Variants in SPTBN5 observed in about 807,000 individuals in gnomAD.
SPTBN5 encodes the protein spectrin beta, non-erythrocytic 5.
In SPTBN5, 513 loss-of-function variants were observed where a neutral mutation model predicts 477.6. The ratio of observed to expected loss-of-function variants is 1.07; its 90% CI spans 1.00 to 1.16. SPTBN5 has a LOEUF of 1.16. SPTBN5 is among the 50% of genes most tolerant of loss of function. SPTBN5 has a pLI of 0.00. For synonymous variants in SPTBN5, 2,169 were observed against 2,011.7 expected, an observed-to-expected ratio of 1.08 and a Z score of -2.09; for missense variants, 5,062 against 4,731.8, an observed-to-expected ratio of 1.07 and a Z score of -2.05.
Position 41,888,004 on chromosome 15 carries a change from T to G in SPTBN5, c.583A>C (p.Thr195Pro), listed in dbSNP as rs1178832797. ...VWCQRKTASY[T>P]NVNITDFSRS... ...GAGAAATCTGTAATGTTCACGTTGG[T>G]GTAGCTGGCTGTCTTCCGCTGGCAC... The change falls in exon 5 of 68, where the codon ACC becomes CCC. Residue 195 changes from threonine to proline, a missense_variant. Transcript: ENST00000320955. 7 of 1,600,064 alleles carry G rather than the reference T, an allele frequency of 4.4e-6. No homozygotes were observed. The highest frequency in any genetic ancestry group is 6.0e-6 in the Non-Finnish European group (7 of 1,173,704).
At chr15:41,865,316 A>T (rs2066262426) in intron 39 of SPTBN5, among the ~76,000 whole-genome samples, 1 of 152,188 alleles carries the variant, frequency 6.6e-6, no homozygotes, top group African/African-American at 2.4e-5. Flanking sequence ...ATCCAGGCAT[A>T]TGTCCTATCT....
intron 1 of SPTBN5, 156 bp downstream of exon 1, chr15:41,893,743 T>C (rs1339591103): frequency 3.2e-6 from 2 of 630,118 alleles, no homozygotes; most frequent in Non-Finnish European, 5.4e-6. Flanking sequence ...ACCTTCCAGA[T>C]TCTTCTTCTC....
chr15:41,883,601 T>A, intron 7 of SPTBN5, 115 bp from the exon 8 acceptor site: 1 of 1,261,060 alleles, frequency 7.9e-7, no homozygotes. Flanking sequence ...CCTCCATGGC[T>A]GGGGCAAGGT....
chr15:41,861,349 A>G, intron 46 of SPTBN5, 70 bp downstream of exon 46: 1 of 1,378,888 alleles, frequency 7.3e-7, no homozygotes, highest in South Asian at 1.2e-5. Context: ...CTCAGGCAGC[A>G]CTGGCTGGTT....
At chr15:41,865,047 T>C (rs1209398134) in intron 39 of SPTBN5, among the ~76,000 whole-genome samples, 2 of 152,224 alleles carry the variant, frequency 1.3e-5, no homozygotes, top group African/African-American at 4.8e-5. Flanking sequence ...TCTGTGAAAT[T>C]CCACCATTAA....
At position 41,872,296 on chromosome 15, in the gene SPTBN5, C is replaced by T; in HGVS notation, c.5165+6G>A. ...CCACTGATGAGAGGGGTTATGGTGT[C>T]CTCACCGTGTGGCCGCCAACTCCTG... On this transcript the variant is annotated splice_donor_region_variant and intron_variant, in intron 27 of 67. Coordinates refer to ENST00000320955, the MANE Select transcript of SPTBN5 (RefSeq NM_016642.4). The T allele has an allele frequency of 6.2e-7, 1 of 1,609,494 alleles. No homozygotes were observed. The highest frequency in any genetic ancestry group is 8.5e-7 in the Non-Finnish European group (1 of 1,178,930).
chr15:41,855,507 G>C (rs757442857), intron 54 of SPTBN5, 42 bp downstream of exon 54: 1 of 1,599,968 alleles, frequency 6.3e-7, no homozygotes, highest in Non-Finnish European at 8.5e-7. Context: ...TCTGTAGGGG[G>C]CTTCTCTCTG....
Position 41,878,609 on chromosome 15 carries a change from G to A in SPTBN5, c.3203C>T (p.Ala1068Val), listed in dbSNP as rs1267636780. 1.6e-5 allele frequency: 26 copies of A among 1,611,278 alleles called. No homozygotes were observed. The highest frequency in any genetic ancestry group is 2.0e-5 in the Non-Finnish European group (24 of 1,179,074). The change falls in exon 17 of 68, where the codon GCA becomes GTA. Residue 1068 changes from alanine to valine, a missense_variant. Transcript: ENST00000320955. ...CTGTCCTTGCAGAGGCTGGCTCTCT[G>A]CGTAGCCTGGCTCCTCGACCCTGGG... is the stretch of plus-strand genomic sequence containing the variant. Reference protein sequence around the residue: ...VVVKVEEPGYAESQPLQGQVE... With the variant: ...VVVKVEEPGYVESQPLQGQVE...
In SPTBN5 at chr15:41,856,454, G is replaced by GCA. The variant is rs2065931793; in HGVS notation, c.8951_8952dup (p.Arg2985CysfsTer22). 1 of 1,595,322 alleles carries GCA rather than the reference G, an allele frequency of 6.3e-7. No homozygotes were observed. The highest frequency in any genetic ancestry group is 8.5e-7 in the Non-Finnish European group (1 of 1,171,904). On this transcript the variant is annotated frameshift_variant, in exon 53 of 68. Coordinates refer to ENST00000320955, the MANE Select transcript of SPTBN5 (RefSeq NM_016642.4). LOFTEE classifies it high-confidence loss of function. ...AGCCGCCTCCGCGCCGCCTCTGCCC[G>GCA]CAGGTGGGCCATGGCCTTCTCCAGC...
In SPTBN5 at chr15:41,856,379, C is replaced by G. The variant is rs376956521; in HGVS notation, c.9021+7G>C. ...GCCTGCTGTGCCCTGCCCATCACTC[C>G]CCTCACCTCAGTCAGAAACTGCTGG... is the stretch of plus-strand genomic sequence containing the variant. On this transcript the variant is annotated splice_region_variant and intron_variant, in intron 53 of 67. Transcript: ENST00000320955. 9 of 1,563,590 alleles carry G rather than the reference C, an allele frequency of 5.8e-6. No individual in the cohort carries two copies. The African/African-American group carries it at 6.8e-5, about 12-fold the overall frequency.
In SPTBN5 at chr15:41,865,787, T is replaced by C. The variant is rs752177213; in HGVS notation, c.6918+21A>G. 3 of 1,547,222 alleles carry C rather than the reference T, an allele frequency of 1.9e-6. No homozygotes were observed. In the East Asian group the frequency reaches 7.3e-5, roughly 38 times the overall value. On this transcript the variant is annotated intron_variant, in intron 39 of 67. Coordinates refer to ENST00000320955, the MANE Select transcript of SPTBN5 (RefSeq NM_016642.4). ...CAGTGCGGGATGCATGGCCAACCTC[T>C]ACCCAGCAAGGCCCTCTTACCCCGG... is the stretch of plus-strand genomic sequence containing the variant.
chr15:41,868,881 C>T (rs990742818), intron 32 of SPTBN5, among the ~76,000 whole-genome samples: 2 of 152,218 alleles, frequency 1.3e-5, no homozygotes, highest in Non-Finnish European at 2.9e-5. Flanking sequence ...CTACAGAGCT[C>T]ACCTGGATGA....
Position 41,865,874 on chromosome 15 carries a change from G to A in SPTBN5, c.6852C>T (p.Gly2284=). Residue 2284 remains glycine (G), a synonymous_variant, in exon 39 of 68, where the codon GGC becomes GGT. Coordinates refer to ENST00000320955, the MANE Select transcript of SPTBN5 (RefSeq NM_016642.4). The part of the protein sequence containing the change: ...KEVKMNVGDL[G]QDLEHCLQLR... ...GCTGCAGGCAGTGCTCCAGGTCCTG[G>A]CCCAGGTCACCAACATTCATCTTCA... is the stretch of plus-strand genomic sequence containing the variant. 1 of 1,584,294 alleles carries A rather than the reference G, an allele frequency of 6.3e-7. No individual in the cohort carries two copies. The highest frequency in any genetic ancestry group is 8.6e-7 in the Non-Finnish European group (1 of 1,165,824).
chr15:41,882,964 G>A (rs2067023235), intron 9 of SPTBN5, 32 bp downstream of exon 9: 1 of 1,518,550 alleles, frequency 6.6e-7, no homozygotes, highest in Non-Finnish European at 8.8e-7. Context: ...AAAAGTTCTG[G>A]GAAAGGTGGA....
At chr15:41,874,110 A>G in intron 24 of SPTBN5, 65 bp from the exon 25 acceptor site, 1 of 1,524,936 alleles carries the variant, frequency 6.6e-7, no homozygotes, top group African/African-American at 1.4e-5. Flanking sequence ...AGAGCCATGG[A>G]TGTGGCTCCA....
chr15:41,853,003 G>A lies in SPTBN5; in HGVS notation c.10171-3C>T. 6.6e-7 allele frequency: 1 copy of A among 1,520,650 alleles called. No individual in the cohort carries two copies. The highest frequency in any genetic ancestry group is 8.8e-7 in the Non-Finnish European group (1 of 1,132,614). The allele number at this position is 1,520,650 out of a possible 1,614,324, so 94.2% of individuals were successfully genotyped here. On this transcript the variant is annotated splice_region_variant and splice_polypyrimidine_tract_variant and intron_variant, in intron 59 of 67. Transcript: ENST00000320955. Reference sequence around the variant, plus strand: ...AGCTCCTGCAGGCACTCTGTCACCTGGTGGGGAGGGGCTGCTATGGGTGAC... The same window carrying A: ...AGCTCCTGCAGGCACTCTGTCACCTAGTGGGGAGGGGCTGCTATGGGTGAC...
chr15:41,868,372 T>TG (rs760428237), intron 33 of SPTBN5, 26 bp downstream of exon 33: 637 of 1,589,546 alleles, frequency 4.0e-4, no homozygotes, highest in Non-Finnish European at 5.1e-4. Flanking sequence ...CTAGGGTATG[T>TG]GGGGGCACCA....
rs1259556344 is a variant in SPTBN5, at chr15:41,874,567, A to G, written c.4503-89T>C. On this transcript the variant is annotated intron_variant, in intron 23 of 67. Coordinates refer to ENST00000320955, the MANE Select transcript of SPTBN5 (RefSeq NM_016642.4). ...TTCCTTGGCCAAGCCAGGGCCCGTG[A>G]AGAACAAGACCAGGGAATAGAGCAA... The G allele has an allele frequency of 3.4e-6, 4 of 1,162,260 alleles. No individual in the cohort carries two copies. In the African/African-American group the frequency reaches 6.2e-5, roughly 18 times the overall value. 72.0% of individuals were successfully genotyped at this position (1,162,260 alleles called of 1,614,324 possible).
chr15:41,868,609 C>G lies in SPTBN5; in HGVS notation c.5854-8G>C. 1 of 1,597,320 alleles carries G rather than the reference C, an allele frequency of 6.3e-7. No individual in the cohort carries two copies. On this transcript the variant is annotated splice_region_variant and splice_polypyrimidine_tract_variant and intron_variant, in intron 32 of 67. Coordinates refer to ENST00000320955, the MANE Select transcript of SPTBN5 (RefSeq NM_016642.4). ...GGAGGCATAGTCACGCACCTGATCC[C>G]GGGGACACGGAGGGAGAGCCGGGTG...
Sources: gnomAD v4.1 joint callset for allele counts (sites outside exome capture counted in the v4.1 genomes callset) on GRCh38, gnomAD v4.1.1 for gene constraint, MANE v1.5 for transcripts, NCBI Gene and HGNC (gene_info 2026-07-23, HGNC 2026-07-21) for gene names.